ARHGAP44: variants seen among roughly 807,000 people sequenced by gnomAD.
ARHGAP44 encodes the protein Rho GTPase activating protein 44, also known as rho GTPase-activating protein 44.
A neutral mutation model predicts 106.8 loss-of-function variants in ARHGAP44; 43 were observed. The observed-to-expected ratio is 0.40, with a 90% confidence interval of 0.32 to 0.52. ARHGAP44 has a LOEUF of 0.52. Among genes scored for constraint, ARHGAP44 ranks in the 20% least tolerant of loss-of-function variants. The pLI, the probability that ARHGAP44 is intolerant of heterozygous loss-of-function variation, is 0.48. For missense variants in ARHGAP44, 866 were observed against 1,050.5 expected (o/e 0.82, Z 2.43); for synonymous variants, 439 against 410.3 (o/e 1.07, Z -0.85).
At chr17:12,810,016 G>C (rs981068642) in intron 1 of ARHGAP44, among the ~76,000 whole-genome samples, 1 of 152,242 alleles carries the variant, frequency 6.6e-6, no homozygotes, top group South Asian at 2.1e-4. Flanking sequence ...CAGCAGGGGG[G>C]TGGAACTGAA....
Position 12,990,997 on chromosome 17 carries a change from C to T in ARHGAP44, c.*826C>T, listed in dbSNP as rs2040121772. On this transcript the variant is annotated 3_prime_UTR_variant, in exon 21 of 21. Transcript: ENST00000379672. ...ACCCAGTTCACTAGTCTGTGGGGTC[C>T]TGGAGCCTGTCTCTTCTTTCTGGAG... 6.6e-6 allele frequency: 1 copy of T among 152,654 alleles called. No individual in the cohort carries two copies. Among genetic ancestry groups the T allele is most frequent in the Non-Finnish European group, 1.5e-5 (1 of 68,052 alleles). 9.5% of individuals were successfully genotyped at this position (152,654 alleles called of 1,614,324 possible).
At chr17:12,843,857 G>A (rs9910783) in intron 1 of ARHGAP44, among the ~76,000 whole-genome samples, 50,112 of 150,784 alleles carry the variant, frequency 0.33, 13,465 homozygotes, top group African/African-American at 0.75. Flanking sequence ...GGGTTTCACC[G>A]TGTTGGCCAG....
chr17:12,990,529 T>C lies in ARHGAP44; in HGVS notation c.*358T>C, dbSNP rs146890862. On this transcript the variant is annotated 3_prime_UTR_variant, in exon 21 of 21. Coordinates refer to ENST00000379672, the MANE Select transcript of ARHGAP44 (RefSeq NM_014859.6). ...TCGGGGTGGTGCGGGAGAGGCTCAC[T>C]TTGCCTGGTTAGACCCAAGGGCTGC... is the stretch of plus-strand genomic sequence containing the variant. 2.9e-5 allele frequency: 6 copies of C among 203,966 alleles called. No homozygotes were observed. The highest frequency in any genetic ancestry group is 9.5e-5 in the South Asian group (1 of 10,512). 12.6% of individuals were successfully genotyped at this position (203,966 alleles called of 1,614,324 possible).
Position 12,952,541 on chromosome 17 carries a change from G to C in ARHGAP44, c.1096G>C (p.Ala366Pro). Residue 366 changes from alanine to proline, a missense_variant, in exon 13 of 21, where the codon GCT becomes CCT. Physicochemically the swap from Ala to Pro is conservative, Grantham distance 27. Around this residue, in one of 2 missense-constraint regions of ARHGAP44, gnomAD observed 448 missense variants for 646.9 expected, o/e 0.69. Coordinates refer to ENST00000379672, the MANE Select transcript of ARHGAP44 (RefSeq NM_014859.6). The stretch of plus-strand genomic sequence containing the variant: ...CAAGAAGCTTCAGGCTCTATGGAAT[G>C]CTTGTGAAAAGTTGCCCAAGGCCAA... The part of the protein sequence containing the change: ...QDKKLQALWN[A>P]CEKLPKANHN... 6.3e-7 allele frequency: 1 copy of C among 1,580,748 alleles called. No homozygotes were observed. Among genetic ancestry groups the C allele is most frequent in the Non-Finnish European group, 8.6e-7 (1 of 1,162,804 alleles).
At chr17:12,845,515 A>AAC (rs1555546585) in intron 1 of ARHGAP44, among the ~76,000 whole-genome samples, 2 of 130,964 alleles carry the variant, frequency 1.5e-5, no homozygotes, top group African/African-American at 5.8e-5. Flanking sequence ...TCAAAAAAAA[A>AAC]AAAAAAACAA....
At chr17:12,931,852 ACAC>A (rs1274464207) in intron 7 of ARHGAP44, among the ~76,000 whole-genome samples, 2 of 125,392 alleles carry the variant, frequency 1.6e-5, no homozygotes, top group South Asian at 2.9e-4. Flanking sequence ...ACACACACAC[ACAC>A]ACACACACAC....
intron 16 of ARHGAP44, among the ~76,000 whole-genome samples, chr17:12,961,317 A>G (rs2039255294): frequency 6.6e-6 from 1 of 152,256 alleles, no homozygotes; most frequent in Admixed American, 6.5e-5. Context: ...TCTAAATGAT[A>G]TGTCCACTCT....
intron 3 of ARHGAP44, among the ~76,000 whole-genome samples, chr17:12,901,008 C>T (rs2037359894): frequency 6.7e-6 from 1 of 149,268 alleles, no homozygotes; most frequent in Middle Eastern, 3.5e-3. Context: ...ACTGCAGCCT[C>T]TGCCTCCCGG....
At chr17:12,962,749 G>T (rs1364089433) in intron 16 of ARHGAP44, among the ~76,000 whole-genome samples, 1 of 152,118 alleles carries the variant, frequency 6.6e-6, no homozygotes, top group African/African-American at 2.4e-5. Flanking sequence ...AATTTATTTA[G>T]AAAATCAATT....
chr17:12,874,498 A>G (rs2036495464), intron 1 of ARHGAP44, among the ~76,000 whole-genome samples: 1 of 152,106 alleles, frequency 6.6e-6, no homozygotes, highest in East Asian at 1.9e-4. Flanking sequence ...TGGGAGGCTG[A>G]GGCAGGTGGA....
At chr17:12,972,976 G>T in intron 16 of ARHGAP44, 1 of 276,548 alleles carries the variant, frequency 3.6e-6, no homozygotes, top group Non-Finnish European at 6.7e-6. Context: ...TAAGTAAAAT[G>T]TTTTTTTAAA....
intron 17 of ARHGAP44, 87 bp from the exon 18 acceptor site, chr17:12,974,002 C>G (rs906343002): frequency 2.3e-5 from 32 of 1,376,570 alleles, no homozygotes; most frequent in Non-Finnish European, 3.1e-5. Flanking sequence ...CTTCTCCCAA[C>G]GCGGACCTGC....
Position 12,974,081 on chromosome 17 carries a change from C to A in ARHGAP44, c.1542-8C>A. The A allele has an allele frequency of 6.4e-7, 1 of 1,558,256 alleles. No individual in the cohort carries two copies. Among genetic ancestry groups the A allele is most frequent in the Non-Finnish European group, 8.7e-7 (1 of 1,150,828 alleles). Reference sequence around the variant, plus strand: ...GTGGGTAAGCGGTGTCTTTGTGTCCCTCGCCAGCATGGGTGTGAGGGTCAT... The same window carrying A: ...GTGGGTAAGCGGTGTCTTTGTGTCCATCGCCAGCATGGGTGTGAGGGTCAT... On this transcript the variant is annotated splice_region_variant and splice_polypyrimidine_tract_variant and intron_variant, in intron 17 of 20. Transcript: ENST00000379672.
intron 1 of ARHGAP44, among the ~76,000 whole-genome samples, chr17:12,838,585 G>A (rs887755288): frequency 9.2e-5 from 14 of 152,156 alleles, no homozygotes; most frequent in Admixed American, 4.6e-4. Context: ...CAGGGGTGAC[G>A]TTGACTTGCT....
Position 12,861,644 on chromosome 17 carries a change from C to CTTT in ARHGAP44, c.54-33284_54-33282dup, listed in dbSNP as rs71144930. On this transcript the variant is annotated intron_variant, in intron 1 of 20. Transcript: ENST00000379672. ...AATTCCTCTTCTGCCTCCTCTTCCA[C>CTTT]TTTTTTTTTTTTTTGAGATGGAATC... is the stretch of plus-strand genomic sequence containing the variant. Among the ~76,000 whole-genome samples, 12 of 67,758 alleles carry CTTT rather than the reference C, an allele frequency of 1.8e-4. 3 individuals carry two copies. Among genetic ancestry groups the CTTT allele is most frequent in the South Asian group, 1.3e-3 (2 of 1,532 alleles). The allele number at this position is 67,758 out of a possible 152,430, so 44.5% of individuals were successfully genotyped here. A position where few individuals can be genotyped will look rare whatever the true frequency, so the allele number is the denominator to read the frequency against.
rs761685408 is a variant in ARHGAP44 at position 12,984,704 on chromosome 17, C to T, written c.2113C>T (p.Leu705Phe). The change falls in exon 20 of 21, where the codon CTC becomes TTC. Residue 705 changes from leucine to phenylalanine, a missense_variant. This residue lies in a region of ARHGAP44 where 418 missense variants were observed against 403.6 expected (regional missense o/e 1.04). Coordinates refer to ENST00000379672, the MANE Select transcript of ARHGAP44 (RefSeq NM_014859.6). ...GGGGTACTCCTTGGCCTCGGGCCAG[C>T]TCTCCCCAGCTGCAGCTCCTCCCCT... ...PQGYSLASGQLSPAAAPPLAS... is the reference protein window; with the variant it reads ...PQGYSLASGQFSPAAAPPLAS... 6.2e-7 allele frequency: 1 copy of T among 1,613,794 alleles called. No individual in the cohort carries two copies. The highest frequency in any genetic ancestry group is 1.1e-5 in the South Asian group (1 of 91,072).
intron 1 of ARHGAP44, among the ~76,000 whole-genome samples, chr17:12,847,141 A>C (rs1259619739): frequency 6.6e-6 from 1 of 152,216 alleles, no homozygotes; most frequent in African/African-American, 2.4e-5. Context: ...TTAAAATAAT[A>C]ATTAGGCATA....
At chr17:12,885,780 CA>C (rs1331853283) in intron 1 of ARHGAP44, among the ~76,000 whole-genome samples, 2 of 152,070 alleles carry the variant, frequency 1.3e-5, no homozygotes, top group Non-Finnish European at 2.9e-5. Context: ...ATGTGAGTTA[CA>C]AATAATTTCT....
chr17:12,863,203 C>T (rs2036140937), intron 1 of ARHGAP44, among the ~76,000 whole-genome samples: 1 of 151,766 alleles, frequency 6.6e-6, no homozygotes. Context: ...CACCTAATTT[C>T]CTTACTTAAC....
Sources: gnomAD v4.1 joint callset for allele counts (sites outside exome capture counted in the v4.1 genomes callset) on GRCh38, gnomAD v4.1.1 for gene constraint, gnomAD v4.1.1 regional missense constraint, MANE v1.5 for transcripts, NCBI Gene and HGNC (gene_info 2026-07-23, HGNC 2026-07-21) for gene names.